Variants in NECTIN3 observed in about 807,000 individuals in gnomAD.
The protein encoded by NECTIN3 is nectin-3.
NECTIN3 carries 8 observed loss-of-function variants against 49.4 expected under a neutral mutation model. The ratio of observed to expected loss-of-function variants is 0.16; its 90% CI spans 0.10 to 0.29. The LOEUF (loss-of-function observed/expected upper bound fraction) is 0.29, where lower values mean the gene tolerates loss of function less well. NECTIN3 is among the 10% of genes least tolerant of loss of function. NECTIN3 has a pLI of 1.00. For synonymous variants in NECTIN3, 277 were observed against 241.1 expected (o/e 1.15, Z -1.38); for missense variants, 581 against 654.6 (o/e 0.89, Z 1.23).
At chr3:111,081,916 A>C (rs72935989) in intron 1 of NECTIN3, among the ~76,000 whole-genome samples, 6,442 of 152,296 alleles carry the variant, frequency 0.042, 196 homozygotes, top group East Asian at 0.075. Flanking sequence ...AAGGCAGGCA[A>C]CTGTGGAGTC....
Position 111,134,219 on chromosome 3 carries a change from C to A in NECTIN3, c.*4C>A. 2.5e-6 allele frequency: 4 copies of A among 1,582,192 alleles called. No individual in the cohort carries two copies. In the South Asian group the frequency reaches 4.8e-5, roughly 19 times the overall value. The stretch of plus-strand genomic sequence containing the variant: ...CAGGAGGGAGTGGTATGTTTAGCAA[C>A]CACTGAATGTGACTTAACTATGTAC... On this transcript the variant is annotated 3_prime_UTR_variant, in exon 6 of 6. Coordinates refer to ENST00000485303, the MANE Select transcript of NECTIN3 (RefSeq NM_015480.3).
intron 1 of NECTIN3, among the ~76,000 whole-genome samples, chr3:111,083,814 GT>G (rs1246417813): frequency 5.3e-5 from 8 of 152,188 alleles, no homozygotes; most frequent in Non-Finnish European, 1.0e-4. Flanking sequence ...TTGAGGGGCA[GT>G]TTGTTAAGGT....
chr3:111,125,620 T>TA, intron 4 of NECTIN3, among the ~76,000 whole-genome samples: 1 of 152,200 alleles, frequency 6.6e-6, no homozygotes. Context: ...ATGCCCACCT[T>TA]ACAAGTGAAA....
chr3:111,168,449 CAT>C (rs1012077539), intron 7 of NECTIN3, among the ~76,000 whole-genome samples: 2 of 139,316 alleles, frequency 1.4e-5, no homozygotes, highest in African/African-American at 6.7e-5. Context: ...TTATTACTAA[CAT>C]ATATGTGTGT....
At chr3:111,098,552 A>T (rs183799566) in intron 1 of NECTIN3, among the ~76,000 whole-genome samples, 2 of 151,968 alleles carry the variant, frequency 1.3e-5, no homozygotes, top group Admixed American at 1.3e-4. Flanking sequence ...CACTCTGTGT[A>T]TTTTCTGTAA....
intron 1 of NECTIN3, among the ~76,000 whole-genome samples, chr3:111,100,790 A>G (rs1426250817): frequency 6.6e-6 from 1 of 152,048 alleles, no homozygotes; most frequent in Non-Finnish European, 1.5e-5. Flanking sequence ...CACAGGTTGA[A>G]GTGGGAATGG....
chr3:111,099,203 A>G (rs997755846), intron 1 of NECTIN3, among the ~76,000 whole-genome samples: 17 of 152,180 alleles, frequency 1.1e-4, no homozygotes, highest in African/African-American at 3.9e-4. Flanking sequence ...TAGCTGAAAG[A>G]AAATGTTACT....
downstream of NECTIN3, chr3:111,137,611 T>A (rs2034626934): frequency 1.8e-6 from 1 of 560,538 alleles, no homozygotes; most frequent in Admixed American, 6.4e-5. Flanking sequence ...GTCCTCGTAT[T>A]TACTAAAGTG....
At chr3:111,172,965 T>A (rs1367517621) in intron 7 of NECTIN3, among the ~76,000 whole-genome samples, 1 of 152,244 alleles carries the variant, frequency 6.6e-6, no homozygotes, top group Admixed American at 6.5e-5. Flanking sequence ...TGAAGTCACT[T>A]ATATCCGGTA....
At chr3:111,153,563 A>G (rs1188425559) in intron 7 of NECTIN3, among the ~76,000 whole-genome samples, 1 of 152,018 alleles carries the variant, frequency 6.6e-6, no homozygotes, top group Non-Finnish European at 1.5e-5. Context: ...ATAGTGCCTG[A>G]CACAGTAATT....
At chr3:111,098,355 G>A (rs530039855) in intron 1 of NECTIN3, among the ~76,000 whole-genome samples, 91 of 152,292 alleles carry the variant, frequency 6.0e-4, no homozygotes, top group African/African-American at 1.9e-3. Flanking sequence ...GTTCTGGAGC[G>A]CAGAAGTCTG....
At chr3:111,160,126 C>T (rs934143475) in intron 7 of NECTIN3, among the ~76,000 whole-genome samples, 2 of 152,182 alleles carry the variant, frequency 1.3e-5, no homozygotes, top group African/African-American at 4.8e-5. Flanking sequence ...AAACAGAATA[C>T]TCCATGGTGG....
intron 1 of NECTIN3, among the ~76,000 whole-genome samples, chr3:111,081,662 G>C (rs2031613466): frequency 6.6e-6 from 1 of 152,166 alleles, no homozygotes; most frequent in Non-Finnish European, 1.5e-5. Context: ...TTTAACTAGG[G>C]GTGGAAGAAG....
intron 5 of NECTIN3, among the ~76,000 whole-genome samples, chr3:111,128,291 C>T (rs1038957909): frequency 1.4e-5 from 2 of 147,664 alleles, no homozygotes; most frequent in East Asian, 2.0e-4. Flanking sequence ...GAGCCCAGAT[C>T]GTGCCATGGA....
In NECTIN3 at chr3:111,071,997, G is replaced by A. The variant is rs746740729; in HGVS notation, c.-21G>A. 104 of 1,442,660 alleles carry A rather than the reference G, an allele frequency of 7.2e-5. No individual in the cohort carries two copies. In the South Asian group the frequency reaches 1.3e-3, roughly 19 times the overall value. The allele number at this position is 1,442,660 out of a possible 1,614,324, so 89.4% of individuals were successfully genotyped here. ...GGAGCCGGGGGGCGGGCGGGCGAGC[G>A]GGCCGGGGGGAGGGTGGGGGATGGC... On this transcript the variant is annotated 5_prime_UTR_variant, in exon 1 of 6. Transcript: ENST00000485303.
chr3:111,106,050 C>A (rs1233458832), intron 1 of NECTIN3, among the ~76,000 whole-genome samples: 1 of 143,328 alleles, frequency 7.0e-6, no homozygotes, highest in African/African-American at 2.6e-5. Flanking sequence ...TAGGTACTTT[C>A]TTCACTTAAT....
intron 1 of NECTIN3, chr3:111,072,756 A>G (rs2030878920): frequency 1.7e-6 from 1 of 601,888 alleles, no homozygotes; most frequent in Non-Finnish European, 2.8e-6. Context: ...AGCTCTCTAG[A>G]TTGACCCTCG....
In NECTIN3 at chr3:111,102,612, T is replaced by C. The variant is rs140998699; in HGVS notation, c.161-9418T>C. Among the ~76,000 whole-genome samples, 235 of 152,344 alleles carry C rather than the reference T, an allele frequency of 1.5e-3. 1 individual carries two copies. Among genetic ancestry groups the C allele is most frequent in the African/African-American group, 3.8e-3 (159 of 41,602 alleles). On this transcript the variant is annotated intron_variant, in intron 1 of 5. Coordinates refer to ENST00000485303, the MANE Select transcript of NECTIN3 (RefSeq NM_015480.3). Reference sequence around the variant, plus strand: ...GCATGGCTTGTCTTTTTATTCTCTTTATAGTGTGTTTTTCAGAGCAGAAAT... The same window carrying C: ...GCATGGCTTGTCTTTTTATTCTCTTCATAGTGTGTTTTTCAGAGCAGAAAT...
At chr3:111,111,907 G>GTGTGTGTGTGCA (rs905351045) in intron 1 of NECTIN3, 123 bp from the exon 2 acceptor site, 9 of 95,136 alleles carry the variant, frequency 9.5e-5, no homozygotes, top group Non-Finnish European at 1.8e-4. Flanking sequence ...GCATGTGTGT[G>GTGTGTGTGTGCA]TGTGTGTGTG....
Sources: gnomAD v4.1 joint callset for allele counts (sites outside exome capture counted in the v4.1 genomes callset) on GRCh38, gnomAD v4.1.1 for gene constraint, MANE v1.5 for transcripts, NCBI Gene and HGNC (gene_info 2026-07-23, HGNC 2026-07-21) for gene names.